Variants in MAGI1 observed in about 807,000 individuals in gnomAD.
The protein encoded by MAGI1 is membrane-associated guanylate kinase, WW and PDZ domain-containing protein 1.
A neutral mutation model predicts 139.9 loss-of-function variants in MAGI1; 58 were observed. The ratio of observed to expected loss-of-function variants is 0.41; its 90% CI spans 0.34 to 0.52. MAGI1 has a LOEUF of 0.52. Among genes scored for constraint, MAGI1 ranks in the 20% least tolerant of loss-of-function variants. The pLI, the probability that MAGI1 is intolerant of heterozygous loss-of-function variation, is 0.12. For missense variants in MAGI1, 1,874 were observed against 1,901.6 expected (o/e 0.99, Z 0.27); for synonymous variants, 812 against 737.9 (o/e 1.10, Z -1.63).
At chr3:65,835,008 A>C (rs1199570522) in intron 1 of MAGI1, among the ~76,000 whole-genome samples, 1 of 152,180 alleles carries the variant, frequency 6.6e-6, no homozygotes, top group Non-Finnish European at 1.5e-5. Context: ...GACAGCATAT[A>C]GCTGGGTCAT....
At chr3:65,969,021 T>C (rs2064891710) in intron 1 of MAGI1, among the ~76,000 whole-genome samples, 1 of 152,168 alleles carries the variant, frequency 6.6e-6, no homozygotes, top group Non-Finnish European at 1.5e-5. Context: ...TTTGCTGTAT[T>C]AGGAACATTT....
chr3:65,530,741 GCACATATATATACACGTATA>G (rs2078644713), intron 2 of MAGI1, among the ~76,000 whole-genome samples: 1 of 103,038 alleles, frequency 9.7e-6, no homozygotes, highest in Middle Eastern at 5.3e-3. Context: ...ATATATATAT[GCACATATATATACACGTATA>G]TATATATATA....
chr3:65,368,307 A>G (rs1175172944), intron 18 of MAGI1, among the ~76,000 whole-genome samples: 1 of 152,228 alleles, frequency 6.6e-6, no homozygotes, highest in Non-Finnish European at 1.5e-5. Flanking sequence ...AATTCCAGAA[A>G]GTACCCAACA....
intron 3 of MAGI1, among the ~76,000 whole-genome samples, chr3:65,492,836 T>C (rs936794363): frequency 1.3e-5 from 2 of 152,160 alleles, no homozygotes; most frequent in African/African-American, 4.8e-5. Flanking sequence ...CCCAGCACTT[T>C]GGGAGGCCAA....
At chr3:65,780,344 T>C (rs1053721776) in intron 1 of MAGI1, among the ~76,000 whole-genome samples, 4 of 152,202 alleles carry the variant, frequency 2.6e-5, no homozygotes, top group Non-Finnish European at 5.9e-5. Context: ...TCTTAAGATA[T>C]ACTGATTAAT....
intron 1 of MAGI1, among the ~76,000 whole-genome samples, chr3:65,707,706 A>AAT (rs1227887171): frequency 1.1e-4 from 17 of 151,882 alleles, no homozygotes; most frequent in Admixed American, 3.3e-4. Context: ...AAAAAAAAAA[A>AAT]AAAAGTTGGC....
intron 17 of MAGI1, among the ~76,000 whole-genome samples, chr3:65,377,866 C>T (rs574917420): frequency 1.1e-4 from 17 of 152,218 alleles, no homozygotes; most frequent in South Asian, 4.1e-4. Flanking sequence ...ATAAAACTTA[C>T]GGGGAGACAG....
At chr3:65,619,923 A>G (rs2083576256) in intron 2 of MAGI1, 1 of 985,222 alleles carries the variant, frequency 1.0e-6, no homozygotes, top group African/African-American at 1.7e-5. Flanking sequence ...CAGCCATAAA[A>G]CATCAATGCC....
rs544461964 is a variant in MAGI1 at position 65,515,655 on chromosome 3, C to A, written c.431-22024G>T. Reference sequence around the variant, plus strand: ...AGTACCCCCACCATCCAGAAATAAACCCTATCAACAGTTAAGTATCCAAAG... The same window carrying A: ...AGTACCCCCACCATCCAGAAATAAAACCTATCAACAGTTAAGTATCCAAAG... On this transcript the variant is annotated intron_variant, in intron 2 of 22. Coordinates refer to ENST00000402939, the MANE Select transcript of MAGI1 (RefSeq NM_001033057.2). Among the ~76,000 whole-genome samples the A allele has an allele frequency of 5.1e-4, 77 of 152,242 alleles. 1 individual carries two copies. The highest frequency in any genetic ancestry group is 1.8e-3 in the African/African-American group (73 of 41,542).
intron 1 of MAGI1, among the ~76,000 whole-genome samples, chr3:65,766,004 C>T (rs1461162950): frequency 6.6e-6 from 1 of 152,156 alleles, no homozygotes; most frequent in African/African-American, 2.4e-5. Flanking sequence ...CTTTCTTCTC[C>T]CTGCTTATTA....
chr3:65,701,312 G>A (rs576029612), intron 1 of MAGI1, among the ~76,000 whole-genome samples: 1 of 152,246 alleles, frequency 6.6e-6, no homozygotes, highest in South Asian at 2.1e-4. Flanking sequence ...GAGTGCAATG[G>A]CGTGATCTTG....
intron 1 of MAGI1, among the ~76,000 whole-genome samples, chr3:65,929,764 A>G (rs1278044522): frequency 2.0e-5 from 3 of 152,156 alleles, no homozygotes; most frequent in African/African-American, 7.2e-5. Context: ...AAATGCCCAC[A>G]AACAAAAGGG....
intron 1 of MAGI1, among the ~76,000 whole-genome samples, chr3:65,711,621 A>T (rs549626500): frequency 7.2e-5 from 11 of 152,270 alleles, no homozygotes; most frequent in African/African-American, 2.6e-4. Flanking sequence ...ATTAAGGCAA[A>T]ATGAGGTCAT....
intron 1 of MAGI1, among the ~76,000 whole-genome samples, chr3:65,657,463 C>A (rs547919770): frequency 1.1e-3 from 162 of 150,580 alleles, no homozygotes; most frequent in African/African-American, 3.6e-3. Flanking sequence ...ATAAATTTGT[C>A]TTTGAATTAA....
chr3:65,484,123 A>G (rs924579891), intron 3 of MAGI1, among the ~76,000 whole-genome samples: 13 of 152,238 alleles, frequency 8.5e-5, no homozygotes, highest in Admixed American at 6.5e-5. Flanking sequence ...TCAAGCTTCA[A>G]TGTGCAAACA....
At chr3:65,780,832 G>T (rs78905160) in intron 1 of MAGI1, among the ~76,000 whole-genome samples, 5 of 152,124 alleles carry the variant, frequency 3.3e-5, no homozygotes, top group Admixed American at 3.3e-4. Context: ...GCAGAAGAAG[G>T]GATTTGCACT....
chr3:65,757,766 TAAAG>T (rs2036681342), intron 1 of MAGI1, among the ~76,000 whole-genome samples: 1 of 152,212 alleles, frequency 6.6e-6, no homozygotes, highest in Non-Finnish European at 1.5e-5. Flanking sequence ...CCACATGATT[TAAAG>T]AAAGAAATCC....
chr3:65,899,407 G>A (rs114862993), intron 1 of MAGI1, among the ~76,000 whole-genome samples: 166 of 152,224 alleles, frequency 1.1e-3, no homozygotes, highest in Non-Finnish European at 1.7e-3. Context: ...TGACCATTCC[G>A]CTGAAGAAAT....
chr3:65,548,973 C>CA (rs1215460251), intron 2 of MAGI1, among the ~76,000 whole-genome samples: 2 of 152,186 alleles, frequency 1.3e-5, no homozygotes, highest in Non-Finnish European at 2.9e-5. Context: ...CCACTGGAGC[C>CA]AAAGTAAACT....
Sources: allele counts gnomAD v4.1 joint callset (sites outside exome capture counted in the v4.1 genomes callset), GRCh38; gene constraint gnomAD v4.1.1; transcripts MANE v1.5; gene names NCBI Gene and HGNC (gene_info 2026-07-23, HGNC 2026-07-21).